CADM2: variants seen among roughly 807,000 people sequenced by gnomAD.
CADM2 encodes the protein immunoglobulin superfamily member 4D.
CADM2 carries 12 observed loss-of-function variants against 49.8 expected under a neutral mutation model. The ratio of observed to expected loss-of-function variants is 0.24; its 90% confidence interval spans 0.15 to 0.39. The LOEUF (loss-of-function observed/expected upper bound fraction) is 0.39. CADM2 is among the 10% of genes least tolerant of loss of function. CADM2 has a pLI of 1.00. For missense variants in CADM2, 378 were observed against 492.3 expected, an observed-to-expected ratio of 0.77 and a Z score of 2.20; for synonymous variants, 214 against 175.4, an observed-to-expected ratio of 1.22 and a Z score of -1.74.
At chr3:85,494,497 T>G (rs2039804046) in intron 1 of CADM2, among the ~76,000 whole-genome samples, 2 of 152,114 alleles carry the variant, frequency 1.3e-5, no homozygotes, top group Non-Finnish European at 2.9e-5. Context: ...GTTCAGTGCT[T>G]TGTATAAAGT....
intron 1 of CADM2, among the ~76,000 whole-genome samples, chr3:85,052,857 T>A (rs948824426): frequency 2.6e-5 from 4 of 152,090 alleles, no homozygotes; most frequent in African/African-American, 9.6e-5. Context: ...TTTTCAGACA[T>A]GAAAAATGAA....
chr3:85,238,782 A>G (rs2042465090), intron 1 of CADM2, among the ~76,000 whole-genome samples: 1 of 151,904 alleles, frequency 6.6e-6, no homozygotes, highest in Admixed American at 6.6e-5. Context: ...ATCCCCAAAT[A>G]CAATTTACTT....
At chr3:85,981,404 A>G (rs2108671392) in intron 8 of CADM2, among the ~76,000 whole-genome samples, 1 of 151,586 alleles carries the variant, frequency 6.6e-6, no homozygotes, top group East Asian at 2.0e-4. Context: ...AATTTGTTAC[A>G]TTGGTAAACT....
chr3:85,552,770 G>A (rs537550897), intron 1 of CADM2, among the ~76,000 whole-genome samples: 2 of 151,938 alleles, frequency 1.3e-5, no homozygotes, highest in East Asian at 3.9e-4. Context: ...TCTGCCTCCC[G>A]GGTTCAAGTG....
At chr3:85,627,542 C>T (rs1394139464) in intron 1 of CADM2, among the ~76,000 whole-genome samples, 1 of 151,926 alleles carries the variant, frequency 6.6e-6, no homozygotes, top group African/African-American at 2.4e-5. Context: ...GATTAGCCAC[C>T]TGAGTATTCT....
chr3:85,836,683 T>A (rs1035931981), intron 3 of CADM2, among the ~76,000 whole-genome samples: 3 of 151,620 alleles, frequency 2.0e-5, no homozygotes, highest in Admixed American at 1.3e-4. Flanking sequence ...TGTTGTGCAC[T>A]GAAGAAGATA....
chr3:85,805,281 G>GT (rs1328041555), intron 3 of CADM2, among the ~76,000 whole-genome samples: 2 of 152,078 alleles, frequency 1.3e-5, no homozygotes, highest in African/African-American at 2.4e-5. Flanking sequence ...CCCAGATGCT[G>GT]TAATAGCTTA....
intron 1 of CADM2, among the ~76,000 whole-genome samples, chr3:85,220,831 A>G (rs902481604): frequency 1.3e-5 from 2 of 152,160 alleles, no homozygotes; most frequent in Admixed American, 6.5e-5. Context: ...GTTGTTTTAA[A>G]ATATTGCACA....
chr3:85,435,672 G>A (rs886143878), intron 1 of CADM2, among the ~76,000 whole-genome samples: 6 of 152,078 alleles, frequency 3.9e-5, no homozygotes, highest in Non-Finnish European at 7.4e-5. Flanking sequence ...ATCCTCCCCA[G>A]CATCTGTTGT....
chr3:85,467,554 C>T (rs1315169323), intron 1 of CADM2, among the ~76,000 whole-genome samples: 1 of 151,452 alleles, frequency 6.6e-6, no homozygotes, highest in Non-Finnish European at 1.5e-5. Context: ...ATGATAGAGA[C>T]GTCATGAAAG....
chr3:85,990,261 G>C (rs988763367), intron 8 of CADM2, among the ~76,000 whole-genome samples: 5 of 151,976 alleles, frequency 3.3e-5, no homozygotes, highest in African/African-American at 1.2e-4. Flanking sequence ...TCAATAAATT[G>C]CATGAGATAT....
chr3:85,256,320 C>A (rs142807267), intron 1 of CADM2, among the ~76,000 whole-genome samples: 140 of 152,166 alleles, frequency 9.2e-4, no homozygotes, highest in African/African-American at 3.1e-3. Flanking sequence ...TCATTTTCAT[C>A]AGCCTGAAAG....
intron 5 of CADM2, among the ~76,000 whole-genome samples, chr3:85,895,937 G>A (rs1715157424): frequency 6.6e-6 from 1 of 152,088 alleles, no homozygotes; most frequent in Non-Finnish European, 1.5e-5. Flanking sequence ...AAATTACTCA[G>A]CCTTGGGGGT....
chr3:85,744,255 A>G (rs1205471888), intron 2 of CADM2, among the ~76,000 whole-genome samples: 1 of 152,178 alleles, frequency 6.6e-6, no homozygotes, highest in East Asian at 1.9e-4. Flanking sequence ...ACTAATGGGT[A>G]CAAATAAATA....
chr3:85,507,931 T>C (rs2040431449), intron 1 of CADM2, among the ~76,000 whole-genome samples: 1 of 151,914 alleles, frequency 6.6e-6, no homozygotes, highest in Non-Finnish European at 1.5e-5. Flanking sequence ...TGTAAAAAAC[T>C]ATAGATATCT....
chr3:85,298,110 A>G (rs1442205089), intron 1 of CADM2, among the ~76,000 whole-genome samples: 1 of 152,028 alleles, frequency 6.6e-6, no homozygotes, highest in Non-Finnish European at 1.5e-5. Context: ...CTGTGGATAT[A>G]TTTCCTCTCA....
intron 2 of CADM2, among the ~76,000 whole-genome samples, chr3:85,796,257 A>T (rs1403734550): frequency 6.6e-6 from 1 of 152,164 alleles, no homozygotes; most frequent in Non-Finnish European, 1.5e-5. Flanking sequence ...AGTGTTTTGA[A>T]ACCATTTGGA....
chr3:85,225,966 G>A (rs1038497766), intron 1 of CADM2, among the ~76,000 whole-genome samples: 5 of 152,176 alleles, frequency 3.3e-5, no homozygotes, highest in African/African-American at 1.2e-4. Context: ...TCATCGTGGT[G>A]GATAAGCTTT....
Position 85,062,598 on chromosome 3 carries a change from G to T in CADM2, c.61+102930G>T, listed in dbSNP as rs575623734. On this transcript the variant is annotated intron_variant, in intron 1 of 9. Coordinates refer to ENST00000383699, the MANE Select transcript of CADM2 (RefSeq NM_001167675.2). Reference sequence around the variant, plus strand: ...TTAAAGGCACTTAATTATTTAAAAAGCTCATAACAAGTAATATAATTCTAT... The same window carrying T: ...TTAAAGGCACTTAATTATTTAAAAATCTCATAACAAGTAATATAATTCTAT... 2.6e-5 allele frequency among the ~76,000 whole-genome samples: 4 copies of T among 151,710 alleles called. No homozygotes were observed. In the South Asian group the frequency reaches 6.3e-4, roughly 24 times the overall value.
Sources: gnomAD v4.1 joint callset for allele counts (sites outside exome capture counted in the v4.1 genomes callset) on GRCh38, gnomAD v4.1.1 for gene constraint, MANE v1.5 for transcripts, NCBI Gene and HGNC (gene_info 2026-07-23, HGNC 2026-07-21) for gene names.